The following SNED1 variants were observed in gnomAD, a reference collection of about 807,000 sequenced individuals.
The protein encoded by SNED1 is sushi, nidogen and EGF like domains 1.
In SNED1, 81 loss-of-function variants were observed where a neutral mutation model predicts 166.7. The observed-to-expected ratio is 0.49, with a 90% CI of 0.41 to 0.58. SNED1 has a LOEUF of 0.58. Among genes scored for constraint, SNED1 ranks in the 20% least tolerant of loss-of-function variants. The pLI, the probability that SNED1 is intolerant of heterozygous loss-of-function variation, is 0.00. For synonymous variants in SNED1, 762 were observed against 822.0 expected (o/e 0.93, Z 1.25); for missense variants, 1,604 against 2,000.2 (o/e 0.80, Z 3.78).
At chr2:241,088,513 A>C in intron 31 of SNED1, 111 bp downstream of exon 31, 1 of 873,100 alleles carries the variant, frequency 1.1e-6, no homozygotes. Context: ...AGCACTGCTA[A>C]AGGAAGCGCG....
intron 16 of SNED1, among the ~76,000 whole-genome samples, chr2:241,057,412 T>TATATATATATATATATGC (rs1553574678): frequency 3.9e-5 from 5 of 129,368 alleles, no homozygotes; most frequent in African/African-American, 1.5e-4. Context: ...TATATATATA[T>TATATATATATATATATGC]GCCATACGCA....
Position 241,051,778 on chromosome 2 carries a change from G to A in SNED1, c.1770G>A (p.Arg590=). Residue 590 remains arginine (R), a synonymous_variant, in exon 13 of 32, where the codon CGG becomes CGA. Transcript: ENST00000310397. This position sits in a 1 kb window ranked among gnomAD's most constrained non-coding sequence, Gnocchi z 4.7. ...ACCTGTGCAGCTCAGGGCCCTGCCG[G>A]AACGGGGGCACGTGCAAGGAGGCGG... ...RPHLCSSGPC[R]NGGTCKEAGG... 1 of 1,550,154 alleles carries A rather than the reference G, an allele frequency of 6.5e-7. No homozygotes were observed. The highest frequency in any genetic ancestry group is 8.7e-7 in the Non-Finnish European group (1 of 1,147,352).
At position 241,068,096 on chromosome 2, in the gene SNED1, G is replaced by A; in HGVS notation, c.3194+149G>A. 1 of 747,370 alleles carries A rather than the reference G, an allele frequency of 1.3e-6. No individual in the cohort carries two copies. Among genetic ancestry groups the A allele is most frequent in the Non-Finnish European group, 2.1e-6 (1 of 468,616 alleles). The allele number at this position is 747,370 out of a possible 1,614,324, so 46.3% of individuals were successfully genotyped here. On this transcript the variant is annotated intron_variant, in intron 22 of 31. Coordinates refer to ENST00000310397, the MANE Select transcript of SNED1 (RefSeq NM_001080437.3). The surrounding 1 kb of genome is among the most constrained non-coding windows in gnomAD (Gnocchi z 5.3). ...GAGCGGAGACAAAGGTCTCAGGTGA[G>A]CCAGCCTCAGACCCTGGAGGCTTCA...
At chr2:241,033,672 A>G in intron 2 of SNED1, 63 bp from the exon 3 acceptor site, 1 of 1,525,770 alleles carries the variant, frequency 6.6e-7, no homozygotes, top group African/African-American at 1.4e-5. Context: ...GATGGTGGAC[A>G]GGGCAGGGCT....
chr2:241,065,388 A>T lies in SNED1; in HGVS notation c.2803A>T (p.Arg935Trp). ...SWNPPNGPAA[R>W]QMLDGYAVTY... ...GAACCCGCCCAATGGTCCAGCCGCC[A>T]GGCAGATGCTTGATGGCTACGCGGT... Residue 935 changes from arginine (R) to tryptophan (W), a missense_variant, in exon 21 of 32, where the codon AGG (arginine) becomes TGG (tryptophan). Arg to Trp is a moderately radical substitution (Grantham distance 101, BLOSUM62 -3). Coordinates refer to ENST00000310397, the MANE Select transcript of SNED1 (RefSeq NM_001080437.3). The T allele has an allele frequency of 6.2e-7, 1 of 1,613,190 alleles. No homozygotes were observed. The highest frequency in any genetic ancestry group is 8.5e-7 in the Non-Finnish European group (1 of 1,179,846).
chr2:241,063,066 C>A (rs2062294074), intron 17 of SNED1, among the ~76,000 whole-genome samples, 162 bp downstream of exon 17: 1 of 152,222 alleles, frequency 6.6e-6, no homozygotes, highest in Non-Finnish European at 1.5e-5. Flanking sequence ...AAAGATTTTA[C>A]AAATATCCCT....
chr2:241,078,002 T>G (rs1018188989), intron 27 of SNED1, among the ~76,000 whole-genome samples: 34 of 152,124 alleles, frequency 2.2e-4, no homozygotes, highest in African/African-American at 7.7e-4. Flanking sequence ...TGAAAACCTA[T>G]GTCCACATGA....
At chr2:241,014,669 T>C (rs1314567577) in intron 1 of SNED1, among the ~76,000 whole-genome samples, 1 of 152,178 alleles carries the variant, frequency 6.6e-6, no homozygotes, top group Non-Finnish European at 1.5e-5. Context: ...GTGCTGCAAA[T>C]ATCTTTTCTC....
intron 21 of SNED1, among the ~76,000 whole-genome samples, chr2:241,066,860 C>T (rs939564648): frequency 6.6e-6 from 1 of 152,152 alleles, no homozygotes; most frequent in African/African-American, 2.4e-5. Flanking sequence ...CAGCTTGAGC[C>T]CACCCAGAGG....
At chr2:241,072,917 A>G (rs2062806689) in intron 26 of SNED1, 2 of 324,684 alleles carry the variant, frequency 6.2e-6, no homozygotes. Flanking sequence ...TCCAAGAAGC[A>G]GGGGTGGAAG....
At chr2:241,054,776 T>C (rs968258694) in intron 16 of SNED1, among the ~76,000 whole-genome samples, 2 of 152,186 alleles carry the variant, frequency 1.3e-5, no homozygotes, top group Non-Finnish European at 2.9e-5. Flanking sequence ...AAGATCAGCT[T>C]GAAGAACTCT....
intron 5 of SNED1, 150 bp from the exon 6 acceptor site, chr2:241,037,090 G>T: frequency 9.9e-7 from 1 of 1,008,742 alleles, no homozygotes. Context: ...TGGCCCCCTG[G>T]AGTGAGCACC....
In SNED1 at chr2:241,016,909, A is replaced by G. The variant is rs1307115201; in HGVS notation, c.214-13375A>G. ...CTCTTGTCGCCCAGGCTGGAGTTCA[A>G]TGGCACAATCTCGGCTCACTGCAAC... On this transcript the variant is annotated intron_variant, in intron 1 of 31. Transcript: ENST00000310397. 2.8e-5 allele frequency among the ~76,000 whole-genome samples: 4 copies of G among 144,418 alleles called. No homozygotes were observed. In the East Asian group the frequency reaches 8.1e-4, roughly 29 times the overall value. The allele number at this position is 144,418 out of a possible 152,430, so 94.7% of individuals were successfully genotyped here.
chr2:241,069,793 AT>A lies in SNED1; in HGVS notation c.3308-125del. 1 of 1,110,594 alleles carries A rather than the reference AT, an allele frequency of 9.0e-7. No homozygotes were observed. Among genetic ancestry groups the A allele is most frequent in the Non-Finnish European group, 1.3e-6 (1 of 778,892 alleles). 68.8% of individuals were successfully genotyped at this position (1,110,594 alleles called of 1,614,324 possible). A position where few individuals can be genotyped will look rare whatever the true frequency, so the allele number is the denominator to read the frequency against. ...CCACACCCCGCCTCGGCACTGTACCATTCTCCATAATAAAGAATCTGGCTTC... is the reference window on the plus strand; with the variant it reads ...CCACACCCCGCCTCGGCACTGTACCATCTCCATAATAAAGAATCTGGCTTC... On this transcript the variant is annotated intron_variant, in intron 23 of 31. Transcript: ENST00000310397. This position sits in a 1 kb window ranked among gnomAD's most constrained non-coding sequence, Gnocchi z 4.9.
intron 24 of SNED1, 81 bp downstream of exon 24, chr2:241,070,282 AGGG>A: frequency 7.1e-7 from 1 of 1,413,070 alleles, no homozygotes; most frequent in Non-Finnish European, 9.5e-7. Flanking sequence ...CTGGCCCTGC[AGGG>A]GCCTGGGATG....
intron 1 of SNED1, among the ~76,000 whole-genome samples, chr2:241,008,408 C>G (rs1236774596): frequency 2.0e-5 from 3 of 152,240 alleles, no homozygotes; most frequent in African/African-American, 7.2e-5. Context: ...CCCACAGGGT[C>G]CCACCTGATA....
intron 4 of SNED1, among the ~76,000 whole-genome samples, chr2:241,036,098 G>T (rs1355251720): frequency 1.4e-5 from 2 of 141,130 alleles, no homozygotes; most frequent in Non-Finnish European, 3.1e-5. Flanking sequence ...ATCACGGGGT[G>T]GGGGTTGGGG....
Position 241,036,843 on chromosome 2 carries a change from G to C in SNED1, c.859G>C (p.Asp287His), listed in dbSNP as rs1381709460. The C allele has an allele frequency of 6.2e-7, 1 of 1,611,434 alleles. No homozygotes were observed. Among genetic ancestry groups the C allele is most frequent in the Non-Finnish European group, 8.5e-7 (1 of 1,179,726 alleles). The change falls in exon 5 of 32, where the codon GAC becomes CAC. Residue 287 changes from aspartate to histidine, a missense_variant. By Grantham distance (81) the Asp-to-His change is moderately conservative (BLOSUM62 -1). This residue lies in a region of SNED1 where 1,237 missense variants were observed against 1,620.8 expected (regional missense o/e 0.76). Transcript: ENST00000310397. ...PCLNGGKCID[D>H]CVTGNPSYTC... Reference sequence around the variant, plus strand: ...CCTCAACGGCGGCAAGTGCATCGACGACTGCGTCACGGGCAACCCCTCCTA... The same window carrying C: ...CCTCAACGGCGGCAAGTGCATCGACCACTGCGTCACGGGCAACCCCTCCTA...
rs201491856 is a variant in SNED1 at position 241,030,586 on chromosome 2, T to C, written c.501+15T>C. ...CCTCATCCCCTGTGAGTCCAGGCAC[T>C]TGTCCTGGGGAGGGTGGGTGTGTGG... On this transcript the variant is annotated intron_variant, in intron 2 of 31. Transcript: ENST00000310397. 51 of 1,611,686 alleles carry C rather than the reference T, an allele frequency of 3.2e-5. No individual in the cohort carries two copies. The East Asian group carries it at 1.1e-3, about 36-fold the overall frequency.
Sources: allele counts gnomAD v4.1 joint callset (sites outside exome capture counted in the v4.1 genomes callset), GRCh38; gene constraint gnomAD v4.1.1; regional missense constraint gnomAD v4.1.1; non-coding constraint Gnocchi (gnomAD v3.1); transcripts MANE v1.5; gene names NCBI Gene and HGNC (gene_info 2026-07-23, HGNC 2026-07-21).